Variants in NFASC observed in about 807,000 individuals in gnomAD.
NFASC encodes neurofascin homolog.
Under a neutral mutation model 147.5 loss-of-function variants are expected in NFASC, and 43 were observed. The ratio of observed to expected loss-of-function variants is 0.29; its 90% confidence interval spans 0.23 to 0.38. The LOEUF (loss-of-function observed/expected upper bound fraction) is 0.38. Among genes scored for constraint, NFASC ranks in the 10% least tolerant of loss-of-function variants. The probability of loss-of-function intolerance (pLI) is 1.00; values close to 1 mark genes in which losing one functional copy is unlikely to be tolerated. For synonymous variants in NFASC, 622 were observed against 665.5 expected (o/e 0.93, Z 1.01); for missense variants, 1,320 against 1,689.0 (o/e 0.78, Z 3.83).
At chr1:204,914,085 AT>A (rs1449045930) in intron 1 of NFASC, among the ~76,000 whole-genome samples, 3 of 152,218 alleles carry the variant, frequency 2.0e-5, no homozygotes, top group Non-Finnish European at 2.9e-5. Context: ...AGGAAAAAAA[AT>A]AATGATGTGG....
chr1:204,970,618 G>A lies in NFASC; in HGVS notation c.1006G>A (p.Ala336Thr), dbSNP rs771651011. 6.2e-7 allele frequency: 1 copy of A among 1,613,824 alleles called. No individual in the cohort carries two copies. Among genetic ancestry groups the A allele is most frequent in the Non-Finnish European group, 8.5e-7 (1 of 1,180,012 alleles). Reference protein sequence around the residue: ...RHTISVRVKAAPYWLDEPKNL... With the variant: ...RHTISVRVKATPYWLDEPKNL... Reference sequence around the variant, plus strand: ...CCTGTGTCTGTCTTGTCTTCCAGCTGCTCCCTACTGGCTGGACGAACCCAA... The same window carrying A: ...CCTGTGTCTGTCTTGTCTTCCAGCTACTCCCTACTGGCTGGACGAACCCAA... The change falls in exon 11 of 30, where the codon GCT becomes ACT. Residue 336 changes from alanine (A) to threonine (T), a missense_variant and splice_region_variant. This residue lies in a region of NFASC where 981 missense variants were observed against 1,289.5 expected (regional missense o/e 0.76). Coordinates refer to ENST00000339876, the MANE Select transcript of NFASC (RefSeq NM_001005388.3).
chr1:204,876,903 C>T (rs114447197), intron 1 of NFASC, among the ~76,000 whole-genome samples: 2,008 of 148,764 alleles, frequency 0.013, 46 homozygotes, highest in African/African-American at 0.046. Context: ...CTTGTAGGCT[C>T]GGAAGCATAG....
rs2096369169 is a variant in NFASC at position 205,017,213 on chromosome 1, T to G, written c.*674T>G. 1 of 162,760 alleles carries G rather than the reference T, an allele frequency of 6.1e-6. No individual in the cohort carries two copies. The allele number at this position is 162,760 out of a possible 1,614,324, so 10.1% of individuals were successfully genotyped here. On this transcript the variant is annotated 3_prime_UTR_variant, in exon 30 of 30. Coordinates refer to ENST00000339876, the MANE Select transcript of NFASC (RefSeq NM_001005388.3). ...CTCCTTTCTGGAAAATGACAGTATTTTTGGCAGGGAGAAGGTGCGCAGGCC... is the reference window on the plus strand; with the variant it reads ...CTCCTTTCTGGAAAATGACAGTATTGTTGGCAGGGAGAAGGTGCGCAGGCC...
intron 26 of NFASC, 120 bp from the exon 27 acceptor site, chr1:205,002,476 C>G: frequency 1.3e-6 from 1 of 756,306 alleles, no homozygotes; most frequent in Non-Finnish European, 1.9e-6. Flanking sequence ...TGGACTGGAC[C>G]CGCGGTTCCC....
chr1:204,991,693 G>A (rs1290490850), intron 24 of NFASC, among the ~76,000 whole-genome samples: 1 of 152,228 alleles, frequency 6.6e-6, no homozygotes, highest in Non-Finnish European at 1.5e-5. Flanking sequence ...TGTGGCCCTA[G>A]AAGGCGCGCT....
intron 1 of NFASC, among the ~76,000 whole-genome samples, chr1:204,856,940 A>G (rs139400626): frequency 2.2e-3 from 329 of 152,300 alleles, no homozygotes; most frequent in Non-Finnish European, 3.5e-3. Flanking sequence ...AGATTTTTGG[A>G]CTGTTTCCAC....
intron 1 of NFASC, among the ~76,000 whole-genome samples, chr1:204,878,052 G>T (rs1282968147): frequency 6.6e-6 from 1 of 152,164 alleles, no homozygotes; most frequent in Non-Finnish European, 1.5e-5. Flanking sequence ...GGTTTCTCCT[G>T]GCCAGCAGCT....
intron 1 of NFASC, among the ~76,000 whole-genome samples, chr1:204,836,672 T>C (rs577608550): frequency 6.6e-6 from 1 of 152,398 alleles, no homozygotes. Context: ...GTGGTATTTT[T>C]CCACATGTTG....
rs181468479 is a variant in NFASC at position 204,933,906 on chromosome 1, C to T, written c.-90-10320C>T. ...TAATCCCAGCACTTGGGGAGGCCAA[C>T]GTGGGTGGATCATCTATGGTCAGGA... On this transcript the variant is annotated intron_variant, in intron 2 of 29. Transcript: ENST00000339876. 4.8e-4 allele frequency among the ~76,000 whole-genome samples: 73 copies of T among 151,962 alleles called. 1 individual carries two copies. The East Asian group carries it at 9.7e-3, about 20-fold the overall frequency.
At chr1:204,992,376 A>C (rs2095755098) in intron 24 of NFASC, among the ~76,000 whole-genome samples, 1 of 152,092 alleles carries the variant, frequency 6.6e-6, no homozygotes, top group Non-Finnish European at 1.5e-5. Context: ...GCCTTTGCTT[A>C]TTCATCCCCA....
At chr1:204,860,590 C>T (rs781105634) in intron 1 of NFASC, among the ~76,000 whole-genome samples, 7 of 152,188 alleles carry the variant, frequency 4.6e-5, no homozygotes, top group Non-Finnish European at 8.8e-5. Flanking sequence ...ATACACTTAA[C>T]ATAAAATTGG....
intron 1 of NFASC, among the ~76,000 whole-genome samples, chr1:204,906,907 T>A (rs1572828590): frequency 1.3e-5 from 2 of 152,116 alleles, no homozygotes; most frequent in East Asian, 3.9e-4. Context: ...ATGGTCTGCA[T>A]CTCCTGACCT....
chr1:204,838,087 CAAATGAAACATCT>C (rs1350007579), intron 1 of NFASC, among the ~76,000 whole-genome samples: 2 of 152,152 alleles, frequency 1.3e-5, no homozygotes, highest in Non-Finnish European at 2.9e-5. Context: ...CTCATTACTT[CAAATGAAACATCT>C]AAATGCTTTA....
At chr1:204,845,210 C>A (rs1412841522) in intron 1 of NFASC, among the ~76,000 whole-genome samples, 1 of 151,732 alleles carries the variant, frequency 6.6e-6, no homozygotes, top group African/African-American at 2.4e-5. Context: ...CGGTGTATGT[C>A]CGAGATGATG....
intron 23 of NFASC, chr1:204,990,599 A>G (rs2095708918): frequency 6.6e-6 from 1 of 152,010 alleles, no homozygotes; most frequent in Non-Finnish European, 1.5e-5. Context: ...AGAAAAAAGA[A>G]AGGGCTCTCA....
At chr1:204,936,288 A>C (rs1573338752) in intron 2 of NFASC, among the ~76,000 whole-genome samples, 1 of 134,006 alleles carries the variant, frequency 7.5e-6, no homozygotes, top group African/African-American at 2.8e-5. Context: ...TGCAACCTCC[A>C]CCTCCCAGGT....
Position 204,982,030 on chromosome 1 carries a change from C to A in NFASC, c.2470+10C>A, listed in dbSNP as rs759333997. Reference sequence around the variant, plus strand: ...TACTCCGGAGAAGATTGTGAGTAGTCTCCTCCCCGTCCCCCCATCAGGACC... The same window carrying A: ...TACTCCGGAGAAGATTGTGAGTAGTATCCTCCCCGTCCCCCCATCAGGACC... On this transcript the variant is annotated intron_variant, in intron 21 of 29. Transcript: ENST00000339876. 38 of 1,519,092 alleles carry A rather than the reference C, an allele frequency of 2.5e-5. No homozygotes were observed. The highest frequency in any genetic ancestry group is 3.3e-5 in the Non-Finnish European group (37 of 1,126,404). 94.1% of individuals were successfully genotyped at this position (1,519,092 alleles called of 1,614,324 possible).
chr1:204,848,641 CAAAA>C (rs890183501), intron 1 of NFASC, among the ~76,000 whole-genome samples: 5 of 152,210 alleles, frequency 3.3e-5, no homozygotes, highest in African/African-American at 1.2e-4. Flanking sequence ...AAGTGACAAT[CAAAA>C]AACCCCAGTT....
At chr1:204,865,654 T>C (rs1038867485) in intron 1 of NFASC, among the ~76,000 whole-genome samples, 2 of 152,264 alleles carry the variant, frequency 1.3e-5, no homozygotes, top group African/African-American at 4.8e-5. Flanking sequence ...CTTATCCCAC[T>C]ACAACACTGA....
Sources: allele counts gnomAD v4.1 joint callset (sites outside exome capture counted in the v4.1 genomes callset), GRCh38; gene constraint gnomAD v4.1.1; regional missense constraint gnomAD v4.1.1; transcripts MANE v1.5; gene names NCBI Gene and HGNC (gene_info 2026-07-23, HGNC 2026-07-21).